ANOS1: variants seen among roughly 807,000 people sequenced by gnomAD.
ANOS1 encodes the protein anosmin 1.
In ANOS1, 6 loss-of-function variants were observed where a neutral mutation model predicts 59.0. That is an observed-to-expected ratio of 0.10 (90% confidence interval 0.06 to 0.20). The LOEUF is 0.20. Ranked by LOEUF, ANOS1 falls within the 10% of genes least tolerant of loss-of-function variation. The probability of loss-of-function intolerance (pLI) is 1.00; values close to 1 mark genes in which losing one functional copy is unlikely to be tolerated. For missense variants in ANOS1, 433 were observed against 542.3 expected (o/e 0.80, Z 2.00); for synonymous variants, 217 against 223.4 (o/e 0.97, Z 0.25).
chrX:8,585,926 G>A (rs1440004535), intron 5 of ANOS1, among the ~76,000 whole-genome samples: 2 of 111,823 alleles, frequency 1.8e-5, no homozygotes, highest in Non-Finnish European at 3.8e-5. Context: ...TGATCTAAAA[G>A]GGTGAGATGT....
chrX:8,594,390 A>G (rs1156322042), intron 4 of ANOS1, among the ~76,000 whole-genome samples: 1 of 107,335 alleles, frequency 9.3e-6, no homozygotes. Context: ...TAGAACGGAC[A>G]CTTTCCCTGG....
intron 9 of ANOS1, among the ~76,000 whole-genome samples, chrX:8,545,061 C>CAA (rs759787339): frequency 1.1e-3 from 22 of 20,417 alleles, no homozygotes; most frequent in African/African-American, 2.3e-3. Flanking sequence ...AGAGAAACTC[C>CAA]AAAAAAAAAA....
chrX:8,537,901 CAA>C lies in ANOS1; in HGVS notation c.1450-961_1450-960del, dbSNP rs779783133. Among the ~76,000 whole-genome samples the C allele has an allele frequency of 2.1e-3, 228 of 110,965 alleles. 1 individual carries two copies. Among genetic ancestry groups the C allele is most frequent in the Middle Eastern group, 4.6e-3 (1 of 218 alleles). On this transcript the variant is annotated intron_variant, in intron 10 of 13. Transcript: ENST00000262648. Reference sequence around the variant, plus strand: ...CAGCGTTGACGGGAAAAACATGAGACAAGAATTAAAATCAAAACTGAGGCTTG... The same window carrying C: ...CAGCGTTGACGGGAAAAACATGAGACGAATTAAAATCAAAACTGAGGCTTG...
At chrX:8,632,621 A>G (rs956285148) in intron 2 of ANOS1, among the ~76,000 whole-genome samples, 17 of 111,760 alleles carry the variant, frequency 1.5e-4, no homozygotes, top group African/African-American at 5.2e-4. Context: ...TGGCCAGAAC[A>G]TGGAATGAGA....
intron 1 of ANOS1, among the ~76,000 whole-genome samples, chrX:8,720,856 T>G (rs1430424459): frequency 9.0e-6 from 1 of 111,150 alleles, no homozygotes; most frequent in East Asian, 2.8e-4. Flanking sequence ...AGCCTAGGAG[T>G]GCAAAGCTAC....
chrX:8,649,294 A>T (rs1931812126), intron 2 of ANOS1, among the ~76,000 whole-genome samples: 1 of 112,118 alleles, frequency 8.9e-6, no homozygotes. Context: ...CCCAAGTAAG[A>T]GCGAGAAGAG....
At chrX:8,616,138 T>A (rs776040990) in intron 3 of ANOS1, among the ~76,000 whole-genome samples, 12 of 110,839 alleles carry the variant, frequency 1.1e-4, no homozygotes, top group Non-Finnish European at 1.9e-5. Flanking sequence ...AATTAGGCAT[T>A]TTCTTCTGCC....
At chrX:8,591,522 A>G (rs773700244) in intron 4 of ANOS1, among the ~76,000 whole-genome samples, 9 of 112,202 alleles carry the variant, frequency 8.0e-5, no homozygotes, top group African/African-American at 2.6e-4. Context: ...TTAATCTTGA[A>G]TAGCATTCAA....
intron 8 of ANOS1, among the ~76,000 whole-genome samples, chrX:8,558,264 T>C (rs973807946): frequency 4.5e-5 from 5 of 111,158 alleles, no homozygotes; most frequent in African/African-American, 9.8e-5. Flanking sequence ...GGCACATGTA[T>C]ACCTATGTTA....
intron 9 of ANOS1, among the ~76,000 whole-genome samples, chrX:8,546,007 TAC>T (rs1384472015): frequency 2.7e-5 from 3 of 112,219 alleles, no homozygotes; most frequent in Non-Finnish European, 5.6e-5. Flanking sequence ...TTGAGTTTCA[TAC>T]AGAGGAGATA....
At chrX:8,558,281 C>A (rs749141936) in intron 8 of ANOS1, among the ~76,000 whole-genome samples, 1 of 111,088 alleles carries the variant, frequency 9.0e-6, no homozygotes, top group East Asian at 2.8e-4. Context: ...GTTAACAAAC[C>A]TGCATGTTCT....
At chrX:8,653,405 C>G (rs1931880559) in intron 2 of ANOS1, among the ~76,000 whole-genome samples, 1 of 110,778 alleles carries the variant, frequency 9.0e-6, no homozygotes. Context: ...GGACTGAGAG[C>G]CTAGTAACCA....
intron 2 of ANOS1, among the ~76,000 whole-genome samples, chrX:8,639,357 A>G (rs1271959909): frequency 1.8e-5 from 2 of 111,686 alleles, no homozygotes; most frequent in African/African-American, 6.5e-5. Flanking sequence ...ACAAGAACAC[A>G]CAGAAGGAAG....
At chrX:8,724,147 G>C (rs1170786776) in intron 1 of ANOS1, among the ~76,000 whole-genome samples, 1 of 112,237 alleles carries the variant, frequency 8.9e-6, no homozygotes, top group Non-Finnish European at 1.9e-5. Context: ...TCTTAGCTGA[G>C]AGTGTAAAAG....
intron 8 of ANOS1, among the ~76,000 whole-genome samples, chrX:8,554,567 T>TC (rs1326532639): frequency 1.0e-5 from 1 of 99,769 alleles, no homozygotes; most frequent in African/African-American, 3.8e-5. Context: ...TTTTTTTTTT[T>TC]TTTGTTGTTG....
chrX:8,554,570 T>G (rs1396852799), intron 8 of ANOS1, among the ~76,000 whole-genome samples: 1 of 84,767 alleles, frequency 1.2e-5, no homozygotes, highest in Non-Finnish European at 2.4e-5. Flanking sequence ...TTTTTTTTTT[T>G]GTTGTTGTTG....
intron 3 of ANOS1, among the ~76,000 whole-genome samples, chrX:8,600,169 A>G (rs1450069818): frequency 8.9e-6 from 1 of 112,457 alleles, no homozygotes; most frequent in Non-Finnish European, 1.9e-5. Flanking sequence ...TGTGCATTTT[A>G]CCACAATTTT....
At chrX:8,610,040 A>AAAAAAAAAAAAAAAAAC (rs1569062444) in intron 3 of ANOS1, among the ~76,000 whole-genome samples, 1 of 45,998 alleles carries the variant, frequency 2.2e-5, no homozygotes, top group Admixed American at 2.3e-4. Flanking sequence ...AAAAAACAAC[A>AAAAAAAAAAAAAAAAAC]ACCTTTAAAG....
intron 2 of ANOS1, among the ~76,000 whole-genome samples, chrX:8,661,343 C>T (rs1193330272): frequency 8.9e-6 from 1 of 111,993 alleles, no homozygotes; most frequent in Admixed American, 9.4e-5. Flanking sequence ...GGCCCCTCTC[C>T]TGGGCTTGTA....
Sources: gnomAD v4.1 joint callset for allele counts (sites outside exome capture counted in the v4.1 genomes callset) on GRCh38, gnomAD v4.1.1 for gene constraint, MANE v1.5 for transcripts, NCBI Gene and HGNC (gene_info 2026-07-23, HGNC 2026-07-21) for gene names.